MYBBP1A: variants seen among roughly 807,000 people sequenced by gnomAD.
MYBBP1A encodes the protein MYB binding protein 1a.
A neutral mutation model predicts 136.3 loss-of-function variants in MYBBP1A; 147 were observed. The observed-to-expected ratio is 1.08, with a 90% CI of 0.94 to 1.24. The LOEUF is 1.24. Ranked by LOEUF, MYBBP1A falls within the 50% of genes most tolerant of loss-of-function variation. MYBBP1A has a pLI of 0.00. For synonymous variants in MYBBP1A, 947 were observed against 735.8 expected (o/e 1.29, Z -4.65); for missense variants, 2,060 against 1,727.4 (o/e 1.19, Z -3.41).
chr17:4,546,752 T>C (rs911576949), intron 13 of MYBBP1A, among the ~76,000 whole-genome samples: 1 of 152,204 alleles, frequency 6.6e-6, no homozygotes, highest in Non-Finnish European at 1.5e-5. Flanking sequence ...GAAAACTGTG[T>C]GATCTTTGGT....
In MYBBP1A at chr17:4,547,992, T is replaced by G. The variant is rs1907148274; in HGVS notation, c.1790A>C (p.His597Pro). 2 of 1,532,196 alleles carry G rather than the reference T, an allele frequency of 1.3e-6. No homozygotes were observed. The highest frequency in any genetic ancestry group is 1.8e-6 in the Non-Finnish European group (2 of 1,136,912). The allele number at this position is 1,532,196 out of a possible 1,614,324, so 94.9% of individuals were successfully genotyped here. Reference sequence around the variant, plus strand: ...GTGGATGCCCACGAGGAGCAGAAGGTGCTGGAAGGCAGCAGCCCTGGCCTC... The same window carrying G: ...GTGGATGCCCACGAGGAGCAGAAGGGGCTGGAAGGCAGCAGCCCTGGCCTC... ...SAEARAAAFQHLLLLVGIHLL... is the reference protein window; with the variant it reads ...SAEARAAAFQPLLLLVGIHLL... The change falls in exon 13 of 26, where the codon CAC becomes CCC. Residue 597 changes from histidine (H) to proline (P), a missense_variant. Physicochemically the swap from His to Pro is moderately conservative, Grantham distance 77. Transcript: ENST00000254718.
chr17:4,544,474 C>G lies in MYBBP1A; in HGVS notation c.2639+15G>C. 6.5e-7 allele frequency: 1 copy of G among 1,545,930 alleles called. No individual in the cohort carries two copies. The highest frequency in any genetic ancestry group is 8.7e-7 in the Non-Finnish European group (1 of 1,147,048). ...CTGCCGGCCACACCTGCCCGCCCTG[C>G]ACCCCCGTGCTCACGTGAAGATGCG... On this transcript the variant is annotated intron_variant, in intron 19 of 25. Transcript: ENST00000254718.
intron 5 of MYBBP1A, among the ~76,000 whole-genome samples, chr17:4,553,570 T>G (rs1907728114): frequency 4.6e-5 from 7 of 152,218 alleles, no homozygotes; most frequent in Admixed American, 4.6e-4. Flanking sequence ...ATCTCAACAC[T>G]TTTTTATACC....
In MYBBP1A at chr17:4,539,907, G is replaced by T; in HGVS notation, c.3495C>A (p.Ile1165=). 1.9e-6 allele frequency: 3 copies of T among 1,600,622 alleles called. No individual in the cohort carries two copies. The highest frequency in any genetic ancestry group is 2.5e-6 in the Non-Finnish European group (3 of 1,179,936). The change falls in exon 26 of 26, where the codon ATC becomes ATA. Residue 1165 remains isoleucine, a synonymous_variant. Coordinates refer to ENST00000254718, the MANE Select transcript of MYBBP1A (RefSeq NM_014520.4). The stretch of plus-strand genomic sequence containing the variant: ...ATCCCTTTTTCTTCCGCTTCTTACT[G>T]ATGGGGCTCTGGGTGGCACTGGGGA... ...KEIPSATQSP[I]SKKRKKKGFL... is the part of the protein sequence containing the mutation.
At chr17:4,540,271 A>G (rs1906276083) in intron 25 of MYBBP1A, 77 bp downstream of exon 25, 5 of 1,482,890 alleles carry the variant, frequency 3.4e-6, no homozygotes, top group Admixed American at 2.0e-5. Context: ...GCGTGTGTGC[A>G]GCGTGTGTGT....
chr17:4,545,772 G>A lies in MYBBP1A; in HGVS notation c.1922-11C>T, dbSNP rs758458232. The A allele has an allele frequency of 2.5e-6, 4 of 1,606,468 alleles. No homozygotes were observed. In the East Asian group the frequency reaches 6.7e-5, roughly 27 times the overall value. ...GGGGTTCCTGGGGGTCTGCAAGAGGGAGGGGTTGAGCCCGGATAGGGGACC... is the reference window on the plus strand; with the variant it reads ...GGGGTTCCTGGGGGTCTGCAAGAGGAAGGGGTTGAGCCCGGATAGGGGACC... On this transcript the variant is annotated splice_polypyrimidine_tract_variant and intron_variant, in intron 14 of 25. Coordinates refer to ENST00000254718, the MANE Select transcript of MYBBP1A (RefSeq NM_014520.4).
Position 4,555,141 on chromosome 17 carries a change from G to A in MYBBP1A, c.184C>T (p.Arg62Cys). The stretch of plus-strand genomic sequence containing the variant: ...CGCCACTCCACCTTCGGCCTGCCAC[G>A]CAGATACTCCAGCAGCTTCTCCGTG... ...AATEKLLEYL[R>C]GRPKGSEMKY... The change falls in exon 1 of 26, where the codon CGT (arginine) becomes TGT (cysteine). Residue 62 changes from arginine (R) to cysteine (C), a missense_variant. Arg to Cys is a radical substitution (Grantham distance 180). Transcript: ENST00000254718. 1 of 1,595,256 alleles carries A rather than the reference G, an allele frequency of 6.3e-7. No individual in the cohort carries two copies. Among genetic ancestry groups the A allele is most frequent in the African/African-American group, 1.3e-5 (1 of 74,602 alleles).
rs777129986 is a variant in MYBBP1A at position 4,548,069 on chromosome 17, C to T, written c.1725-12G>A. 3 of 1,587,468 alleles carry T rather than the reference C, an allele frequency of 1.9e-6. No individual in the cohort carries two copies. The East Asian group carries it at 6.8e-5, about 36-fold the overall frequency. On this transcript the variant is annotated splice_polypyrimidine_tract_variant and intron_variant, in intron 12 of 25. Coordinates refer to ENST00000254718, the MANE Select transcript of MYBBP1A (RefSeq NM_014520.4). This position sits in a 1 kb window ranked among gnomAD's most constrained non-coding sequence, Gnocchi z 4.2. ...GAGTCTGCAGCATCCTGCGGGGAGA[C>T]AGGCGATTCCCAGGCCCCTGCACCA...
chr17:4,538,964 GA>G lies in MYBBP1A; in HGVS notation c.*450del. 1.3e-6 allele frequency: 1 copy of G among 788,190 alleles called. No homozygotes were observed. The highest frequency in any genetic ancestry group is 2.4e-6 in the Non-Finnish European group (1 of 424,630). The allele number at this position is 788,190 out of a possible 1,614,324, so 48.8% of individuals were successfully genotyped here. ...TTTATTTTTTAGAGCTGCTGATTGTGAATCTCAGAGTCTTAAGAGAGAAGCC... is the reference window on the plus strand; with the variant it reads ...TTTATTTTTTAGAGCTGCTGATTGTGATCTCAGAGTCTTAAGAGAGAAGCC... On this transcript the variant is annotated 3_prime_UTR_variant, in exon 26 of 26. Coordinates refer to ENST00000254718, the MANE Select transcript of MYBBP1A (RefSeq NM_014520.4).
Position 4,541,020 on chromosome 17 carries a change from A to G in MYBBP1A, c.3297+443T>C, listed in dbSNP as rs1195862439. On this transcript the variant is annotated intron_variant, in intron 24 of 25. Transcript: ENST00000254718. ...TAGCACCTATGCTGAAGATTCCCAA[A>G]CCCCGCCCTCTGGGCCAGACCGGGG... is the stretch of plus-strand genomic sequence containing the variant. Among the ~76,000 whole-genome samples, 5 of 150,654 alleles carry G rather than the reference A, an allele frequency of 3.3e-5. No homozygotes were observed. The South Asian group carries it at 1.1e-3, about 32-fold the overall frequency.
In MYBBP1A at chr17:4,548,227, T is replaced by C. The variant is rs148075689; in HGVS notation, c.1640A>G (p.Gln547Arg). Residue 547 changes from glutamine to arginine, a missense_variant, in exon 12 of 26, where the codon CAG becomes CGG. Gln to Arg is a conservative substitution (Grantham distance 43). Transcript: ENST00000254718. The surrounding 1 kb of genome is among the most constrained non-coding windows in gnomAD (Gnocchi z 4.2). ...GTGATTCAACAGGAGGTCTGCGAAC[T>C]GCACCAGGTGGTAGGTCCAGGGCTG... ...GGQPWTYHLVQFADLLLNHSH... is the reference protein window; with the variant it reads ...GGQPWTYHLVRFADLLLNHSH... The C allele has an allele frequency of 9.3e-6, 15 of 1,610,824 alleles. No individual in the cohort carries two copies. The highest frequency in any genetic ancestry group is 1.2e-5 in the Non-Finnish European group (14 of 1,179,958).
rs1325245913 is a variant in MYBBP1A at position 4,555,121 on chromosome 17, C to T, written c.198+6G>A. ...GCAGCCTCTGCCCCAGACCCCGCCACTCCACCTTCGGCCTGCCACGCAGAT... is the reference window on the plus strand; with the variant it reads ...GCAGCCTCTGCCCCAGACCCCGCCATTCCACCTTCGGCCTGCCACGCAGAT... On this transcript the variant is annotated splice_donor_region_variant and intron_variant, in intron 1 of 25. Coordinates refer to ENST00000254718, the MANE Select transcript of MYBBP1A (RefSeq NM_014520.4). 3.2e-6 allele frequency: 5 copies of T among 1,585,084 alleles called. No homozygotes were observed. The highest frequency in any genetic ancestry group is 4.3e-6 in the Non-Finnish European group (5 of 1,165,258).
Position 4,545,174 on chromosome 17 carries a change from T to A in MYBBP1A, c.2162A>T (p.Asp721Val). 4 of 1,613,368 alleles carry A rather than the reference T, an allele frequency of 2.5e-6. No individual in the cohort carries two copies. The highest frequency in any genetic ancestry group is 3.4e-6 in the Non-Finnish European group (4 of 1,179,928). Residue 721 changes from aspartate to valine, a missense_variant and splice_region_variant, in exon 17 of 26, where the codon GAC becomes GTC. Physicochemically the swap from Asp to Val is radical, Grantham distance 152. Transcript: ENST00000254718. Reference protein sequence around the residue: ...SDERRLKGAEDKSEEGEDNRS... With the variant: ...SDERRLKGAEVKSEEGEDNRS... ...GTTGTCCTCACCTTCCTCGCTCTTG[T>A]CCTGTGTGGTAGAGGCAGGCGCGTC...
At position 4,554,973 on chromosome 17, in the gene MYBBP1A, A is replaced by AC; in HGVS notation, c.199-18dup. 1 of 1,612,864 alleles carries AC rather than the reference A, an allele frequency of 6.2e-7. No individual in the cohort carries two copies. The highest frequency in any genetic ancestry group is 8.5e-7 in the Non-Finnish European group (1 of 1,179,712). On this transcript the variant is annotated splice_polypyrimidine_tract_variant and intron_variant, in intron 1 of 25. Coordinates refer to ENST00000254718, the MANE Select transcript of MYBBP1A (RefSeq NM_014520.4). ...CTCGGACCCCTGCGGAACCAAGCAC[A>AC]CCCTCGTGTTCAATGGTGACAACAA...
chr17:4,550,701 A>G (rs1452665691), intron 8 of MYBBP1A, among the ~76,000 whole-genome samples: 1 of 152,254 alleles, frequency 6.6e-6, no homozygotes, highest in Non-Finnish European at 1.5e-5. Context: ...TCCTGGCTCA[A>G]CGCAGGGCAG....
chr17:4,550,384 C>T, intron 8 of MYBBP1A, 31 bp from the exon 9 acceptor site: 3 of 1,586,570 alleles, frequency 1.9e-6, no homozygotes, highest in Non-Finnish European at 2.6e-6. Context: ...GCTGAGCCCA[C>T]CAGCCCAGGG....
chr17:4,541,849 T>C lies in MYBBP1A; in HGVS notation c.3130A>G (p.Arg1044Gly). Residue 1044 changes from arginine (R) to glycine (G), a missense_variant, in exon 23 of 26, where the codon AGG (arginine) becomes GGG (glycine). Transcript: ENST00000254718. ...LQKTLSMREV[R>G]SCFEDPEWKQ... ...CACTCGGGGTCCTCAAAGCACGACC[T>C]CACCTCCCGCATGGACAGGGTCTTC... is the stretch of plus-strand genomic sequence containing the variant. 1 of 1,614,030 alleles carries C rather than the reference T, an allele frequency of 6.2e-7. No homozygotes were observed. Among genetic ancestry groups the C allele is most frequent in the Non-Finnish European group, 8.5e-7 (1 of 1,180,012 alleles).
chr17:4,555,372 C>T lies in MYBBP1A; in HGVS notation c.-48G>A, dbSNP rs1907943638. ...CGAAACACGTGTGCTCCGGCCCCAG[C>T]CGCTTCCAGGTCAGGGCACGGCGCA... On this transcript the variant is annotated 5_prime_UTR_variant, in exon 1 of 26. Coordinates refer to ENST00000254718, the MANE Select transcript of MYBBP1A (RefSeq NM_014520.4). 1.9e-6 allele frequency: 3 copies of T among 1,553,980 alleles called. No homozygotes were observed. The highest frequency in any genetic ancestry group is 1.9e-5 in the Admixed American group (1 of 51,544).
Position 4,544,898 on chromosome 17 carries a change from C to A in MYBBP1A, c.2334G>T (p.Glu778Asp), listed in dbSNP as rs771455403. Residue 778 changes from glutamate to aspartate, a missense_variant, in exon 18 of 26, where the codon GAG (glutamate) becomes GAT (aspartate). Glu to Asp is a conservative substitution (Grantham distance 45, BLOSUM62 2). Transcript: ENST00000254718. ...KALGGEDSEN[E>D]EELGDEAMMA... The stretch of plus-strand genomic sequence containing the variant: ...TCATGGCCTCATCCCCCAGCTCCTC[C>A]TCGTTCTCACTGTCCTCTCCACCCT... The A allele has an allele frequency of 3.0e-5, 48 of 1,603,740 alleles. No individual in the cohort carries two copies. The highest frequency in any genetic ancestry group is 3.8e-5 in the Non-Finnish European group (45 of 1,174,648).
Sources: gnomAD v4.1 joint callset for allele counts (sites outside exome capture counted in the v4.1 genomes callset) on GRCh38, gnomAD v4.1.1 for gene constraint, Gnocchi (gnomAD v3.1) non-coding constraint, MANE v1.5 for transcripts, NCBI Gene and HGNC (gene_info 2026-07-23, HGNC 2026-07-21) for gene names.